Variants in MCPH1 observed in about 807,000 individuals in gnomAD.
The protein encoded by MCPH1 is microcephalin 1, also known as microcephalin.
MCPH1 carries 104 observed loss-of-function variants against 84.5 expected under a neutral mutation model. The observed-to-expected ratio is 1.23, with a 90% CI of 1.05 to 1.45. The LOEUF is 1.45. MCPH1 is among the 40% of genes most tolerant of loss of function. MCPH1 has a pLI of 0.00. For missense variants in MCPH1, 1,498 were observed against 1,005.7 expected (o/e 1.49, Z -6.62); for synonymous variants, 514 against 366.8 (o/e 1.40, Z -4.58).
intron 11 of MCPH1, among the ~76,000 whole-genome samples, chr8:6,484,954 A>G (rs1295731886): frequency 6.6e-6 from 1 of 152,246 alleles, no homozygotes; most frequent in Non-Finnish European, 1.5e-5. Flanking sequence ...TGGTTACAGA[A>G]TCCATGTATT....
chr8:6,589,243 GTTTTC>G (rs1349927648), intron 12 of MCPH1, among the ~76,000 whole-genome samples: 2 of 152,050 alleles, frequency 1.3e-5, no homozygotes, highest in Non-Finnish European at 2.9e-5. Context: ...CACTTATTAA[GTTTTC>G]TTTTATTTTT....
chr8:6,444,869 C>A lies in MCPH1; in HGVS notation c.1147C>A (p.Pro383Thr). Residue 383 changes from proline to threonine, a missense_variant, in exon 8 of 14, where the codon CCG (proline) becomes ACG (threonine). Pro to Thr is a conservative substitution (Grantham distance 38). Transcript: ENST00000344683. The stretch of plus-strand genomic sequence containing the variant: ...GAGGAGCACCAGGAGATCTATCATG[C>A]CGAGGCTGCAGCTGTGCAGGTCGGA... Reference protein sequence around the residue: ...RKRSTRRSIMPRLQLCRSEDR... With the variant: ...RKRSTRRSIMTRLQLCRSEDR... 2 of 1,614,200 alleles carry A rather than the reference C, an allele frequency of 1.2e-6. No individual in the cohort carries two copies. Among genetic ancestry groups the A allele is most frequent in the South Asian group, 2.2e-5 (2 of 91,084 alleles).
chr8:6,512,033 T>A (rs1310470516), intron 12 of MCPH1, among the ~76,000 whole-genome samples: 1 of 151,872 alleles, frequency 6.6e-6, no homozygotes, highest in Non-Finnish European at 1.5e-5. Flanking sequence ...CTCTTTGGAG[T>A]CAAGTTGGAA....
At chr8:6,492,678 A>G (rs1294456482) in intron 11 of MCPH1, among the ~76,000 whole-genome samples, 4 of 147,792 alleles carry the variant, frequency 2.7e-5, no homozygotes, top group Non-Finnish European at 4.5e-5. Context: ...AATTTTTAGA[A>G]TATTAAAATT....
rs192322124 is a variant in MCPH1 at position 6,573,631 on chromosome 8, G to C, written c.2215-47823G>C. On this transcript the variant is annotated intron_variant, in intron 12 of 13. Transcript: ENST00000344683. ...CCTGGCCAACTTAAGCCTACTTCAA[G>C]GCCTGAGTGGTTCAGACAGAAGACA... Among the ~76,000 whole-genome samples the C allele has an allele frequency of 9.2e-5, 13 of 141,602 alleles. No individual in the cohort carries two copies. The East Asian group carries it at 1.6e-3, about 17-fold the overall frequency. 92.9% of individuals were successfully genotyped at this position (141,602 alleles called of 152,430 possible). A position where few individuals can be genotyped will look rare whatever the true frequency, so the allele number is the denominator to read the frequency against.
chr8:6,511,238 G>T (rs1049737834), intron 12 of MCPH1, among the ~76,000 whole-genome samples: 1 of 151,758 alleles, frequency 6.6e-6, no homozygotes. Flanking sequence ...TTAAAATTTG[G>T]TTATTAAGAA....
rs968925146 is a variant in MCPH1, at chr8:6,445,537, A to G, written c.1815A>G (p.Gly605=). Residue 605 remains glycine (G), a synonymous_variant, in exon 8 of 14, where the codon GGA becomes GGG. Transcript: ENST00000344683. The stretch of plus-strand genomic sequence containing the variant: ...AAGAGAAGGAAAACTTACCCGGAGG[A>G]TACAGTGGAAGTATGTGAATCTCCT... ...STEEKENLPG[G]YSGSVKNRPT... is the part of the protein sequence containing the mutation. 9.4e-6 allele frequency: 15 copies of G among 1,600,386 alleles called. No homozygotes were observed. The highest frequency in any genetic ancestry group is 1.3e-5 in the Non-Finnish European group (15 of 1,174,548).
At chr8:6,544,486 G>A (rs564354256) in intron 12 of MCPH1, among the ~76,000 whole-genome samples, 4 of 152,226 alleles carry the variant, frequency 2.6e-5, no homozygotes, top group East Asian at 1.9e-4. Context: ...TATATGTTAC[G>A]TCAAACTGTT....
chr8:6,411,635 C>T (rs976885468), intron 2 of MCPH1, among the ~76,000 whole-genome samples: 12 of 152,204 alleles, frequency 7.9e-5, no homozygotes, highest in African/African-American at 2.9e-4. Flanking sequence ...CACCAAACTG[C>T]AACAGTTACA....
chr8:6,581,657 T>G (rs1037023058), intron 12 of MCPH1, among the ~76,000 whole-genome samples: 2 of 152,238 alleles, frequency 1.3e-5, no homozygotes, highest in African/African-American at 4.8e-5. Flanking sequence ...GTACCTCATT[T>G]CCATAGTCTT....
chr8:6,583,072 C>T (rs1827686378), intron 12 of MCPH1, among the ~76,000 whole-genome samples: 1 of 152,142 alleles, frequency 6.6e-6, no homozygotes, highest in African/African-American at 2.4e-5. Context: ...AACCAAAACT[C>T]CTGGGGTAAA....
intron 12 of MCPH1, among the ~76,000 whole-genome samples, chr8:6,598,843 C>A (rs1270908847): frequency 1.3e-5 from 2 of 152,246 alleles, no homozygotes; most frequent in Non-Finnish European, 2.9e-5. Flanking sequence ...GGAGCTGCGG[C>A]TTCCCGCCCG....
At chr8:6,625,825 T>C (rs1020290866) in intron 13 of MCPH1, 1 of 985,290 alleles carries the variant, frequency 1.0e-6, no homozygotes, top group African/African-American at 1.7e-5. Flanking sequence ...TGCCTTTATA[T>C]TGTTTCTGTA....
intron 12 of MCPH1, among the ~76,000 whole-genome samples, chr8:6,572,263 G>T (rs552312969): frequency 6.6e-6 from 1 of 151,766 alleles, no homozygotes; most frequent in Non-Finnish European, 1.5e-5. Context: ...AATAATATGC[G>T]CTCTCCTCCC....
chr8:6,587,346 G>T (rs1828078051), intron 12 of MCPH1, among the ~76,000 whole-genome samples: 1 of 152,088 alleles, frequency 6.6e-6, no homozygotes, highest in Non-Finnish European at 1.5e-5. Context: ...AATCTGTTTT[G>T]TTTTGTCTTA....
chr8:6,492,796 T>A (rs1810795088), intron 11 of MCPH1, among the ~76,000 whole-genome samples: 1 of 150,978 alleles, frequency 6.6e-6, no homozygotes, highest in Non-Finnish European at 1.5e-5. Flanking sequence ...AATTATTGAT[T>A]GAGTTAAGTA....
At chr8:6,604,742 G>T (rs3020251) in intron 12 of MCPH1, among the ~76,000 whole-genome samples, 146,714 of 152,328 alleles carry the variant, frequency 0.96, 71,201 homozygotes, top group Middle Eastern at 1. Context: ...TGACCTCAGG[G>T]GATCTGCCTG....
intron 10 of MCPH1, among the ~76,000 whole-genome samples, chr8:6,478,783 T>G (rs1160492888): frequency 6.6e-6 from 1 of 152,182 alleles, no homozygotes; most frequent in Non-Finnish European, 1.5e-5. Flanking sequence ...CTTTCCAAGT[T>G]TAATTATTTT....
intron 13 of MCPH1, among the ~76,000 whole-genome samples, chr8:6,639,268 G>C (rs776255385): frequency 3.9e-5 from 6 of 152,132 alleles, no homozygotes; most frequent in South Asian, 2.1e-4. Flanking sequence ...TCAAACAGTA[G>C]ACAAGTACAC....
Sources: allele counts gnomAD v4.1 joint callset (sites outside exome capture counted in the v4.1 genomes callset), GRCh38; gene constraint gnomAD v4.1.1; transcripts MANE v1.5; gene names NCBI Gene and HGNC (gene_info 2026-07-23, HGNC 2026-07-21).